Variants in SKAP1 observed in about 807,000 individuals in gnomAD.
SKAP1 encodes the protein src kinase associated phosphoprotein 1.
Under a neutral mutation model 58.5 loss-of-function variants are expected in SKAP1, and 44 were observed. That is an observed-to-expected ratio of 0.75 (90% CI 0.59 to 0.97). SKAP1 has a LOEUF of 0.97. Among genes scored for constraint, SKAP1 ranks in the 50% least tolerant of loss-of-function variants. The pLI, the probability that SKAP1 is intolerant of heterozygous loss-of-function variation, is 0.00. For missense variants in SKAP1, 390 were observed against 435.2 expected (o/e 0.90, Z 0.92); for synonymous variants, 127 against 149.7 (o/e 0.85, Z 1.11).
At chr17:48,175,282 A>G in intron 9 of SKAP1, among the ~76,000 whole-genome samples, 1 of 152,252 alleles carries the variant, frequency 6.6e-6, no homozygotes, top group East Asian at 1.9e-4. Flanking sequence ...AAAAGCTTCA[A>G]AAAATGCCAA....
chr17:48,324,409 G>A (rs1028845820), intron 4 of SKAP1, among the ~76,000 whole-genome samples: 1 of 151,928 alleles, frequency 6.6e-6, no homozygotes, highest in African/African-American at 2.4e-5. Context: ...TTATTTCCAA[G>A]CTTTCTGAAA....
chr17:48,383,490 G>A (rs1034364261), intron 2 of SKAP1, among the ~76,000 whole-genome samples: 7 of 151,914 alleles, frequency 4.6e-5, no homozygotes, highest in Non-Finnish European at 5.9e-5. Flanking sequence ...AAAACTCAAA[G>A]TACTGCTATA....
intron 10 of SKAP1, among the ~76,000 whole-genome samples, chr17:48,168,001 A>G (rs1337310164): frequency 1.3e-5 from 2 of 152,210 alleles, no homozygotes; most frequent in Non-Finnish European, 2.9e-5. Flanking sequence ...CCCTGTTACT[A>G]ACAGTCATGC....
At chr17:48,399,045 A>C (rs1461060432) in intron 1 of SKAP1, among the ~76,000 whole-genome samples, 1 of 151,846 alleles carries the variant, frequency 6.6e-6, no homozygotes, top group Admixed American at 6.6e-5. Context: ...AACAAACAAA[A>C]AAAACCACCA....
At chr17:48,416,413 G>A (rs2067731899) in intron 1 of SKAP1, among the ~76,000 whole-genome samples, 1 of 152,144 alleles carries the variant, frequency 6.6e-6, no homozygotes, top group African/African-American at 2.4e-5. Flanking sequence ...GCAAAGGAGG[G>A]ACTCCCAGGG....
At chr17:48,354,954 C>T (rs555558606) in intron 3 of SKAP1, among the ~76,000 whole-genome samples, 2 of 152,318 alleles carry the variant, frequency 1.3e-5, no homozygotes, top group Non-Finnish European at 2.9e-5. Context: ...AGGCACAAGT[C>T]TTGATGAACA....
chr17:48,396,666 C>A lies in SKAP1; in HGVS notation c.152+14G>T. 6.6e-7 allele frequency: 1 copy of A among 1,520,990 alleles called. No individual in the cohort carries two copies. Among genetic ancestry groups the A allele is most frequent in the South Asian group, 1.1e-5 (1 of 87,298 alleles). 94.2% of individuals were successfully genotyped at this position (1,520,990 alleles called of 1,614,324 possible). On this transcript the variant is annotated intron_variant, in intron 2 of 12. Transcript: ENST00000336915. ...AGCTTATGAAGAAGATTAATGGAAC[C>A]AGTTTATACAAACCTGGCTTTGATT...
intron 4 of SKAP1, among the ~76,000 whole-genome samples, chr17:48,294,845 C>T (rs1013637810): frequency 2.6e-5 from 4 of 152,122 alleles, no homozygotes; most frequent in Admixed American, 6.6e-5. Flanking sequence ...ATAGTAGCAA[C>T]AGTTACTTTG....
In SKAP1 at chr17:48,198,002, T is replaced by C. The variant is rs148113241; in HGVS notation, c.281-8502A>G. ...GGTAACTTCAATGCACTAATGATAG[T>C]ATCTAAATAAATGGTAATAATCAAT... is the stretch of plus-strand genomic sequence containing the variant. On this transcript the variant is annotated intron_variant, in intron 4 of 12. Coordinates refer to ENST00000336915, the MANE Select transcript of SKAP1 (RefSeq NM_003726.4). 3.0e-4 allele frequency among the ~76,000 whole-genome samples: 45 copies of C among 152,322 alleles called. No homozygotes were observed. The East Asian group carries it at 7.5e-3, about 25-fold the overall frequency.
chr17:48,400,089 C>A (rs1027698391), intron 1 of SKAP1, among the ~76,000 whole-genome samples: 2 of 148,906 alleles, frequency 1.3e-5, no homozygotes, highest in African/African-American at 5.0e-5. Flanking sequence ...AACTGTATTT[C>A]TTTTTTCTTT....
At chr17:48,264,888 C>T (rs1389664701) in intron 4 of SKAP1, among the ~76,000 whole-genome samples, 6 of 151,926 alleles carry the variant, frequency 3.9e-5, no homozygotes, top group African/African-American at 1.2e-4. Flanking sequence ...CTGCAGTCAA[C>T]GAGGAAACAT....
chr17:48,192,527 C>A (rs1378530909), intron 4 of SKAP1, among the ~76,000 whole-genome samples: 2 of 152,202 alleles, frequency 1.3e-5, no homozygotes, highest in East Asian at 3.9e-4. Flanking sequence ...AATGTGCCCA[C>A]ACCAGCTCAC....
intron 1 of SKAP1, among the ~76,000 whole-genome samples, chr17:48,424,221 CTTTTT>C (rs71366876): frequency 9.4e-6 from 1 of 106,676 alleles, no homozygotes; most frequent in Non-Finnish European, 1.8e-5. Flanking sequence ...TCTGGGACCT[CTTTTT>C]TTTTTTTTTT....
chr17:48,225,802 G>A (rs2065061738), intron 4 of SKAP1, among the ~76,000 whole-genome samples: 1 of 152,172 alleles, frequency 6.6e-6, no homozygotes, highest in African/African-American at 2.4e-5. Context: ...ATCTGAAAGT[G>A]CAGTAATAAG....
intron 4 of SKAP1, among the ~76,000 whole-genome samples, chr17:48,301,012 C>A (rs1396056219): frequency 1.3e-5 from 2 of 152,150 alleles, no homozygotes; most frequent in Admixed American, 6.5e-5. Flanking sequence ...GGACCTGATT[C>A]TACCCATTAT....
intron 4 of SKAP1, among the ~76,000 whole-genome samples, chr17:48,232,713 G>A (rs2065138768): frequency 6.6e-6 from 1 of 152,130 alleles, no homozygotes; most frequent in Admixed American, 6.5e-5. Context: ...GACATCGATT[G>A]CTGTCATGTC....
At chr17:48,191,953 G>C (rs890847429) in intron 4 of SKAP1, among the ~76,000 whole-genome samples, 1 of 152,184 alleles carries the variant, frequency 6.6e-6, no homozygotes, top group African/African-American at 2.4e-5. Context: ...ATTCTACTGA[G>C]GGTGAGGCAT....
intron 4 of SKAP1, among the ~76,000 whole-genome samples, chr17:48,340,240 C>T (rs1344823273): frequency 1.3e-5 from 2 of 151,684 alleles, no homozygotes; most frequent in Admixed American, 6.6e-5. Flanking sequence ...GATTTAGAGG[C>T]GAAACTAACT....
intron 4 of SKAP1, among the ~76,000 whole-genome samples, chr17:48,306,273 AT>A (rs939153838): frequency 2.0e-5 from 3 of 151,922 alleles, no homozygotes; most frequent in Non-Finnish European, 2.9e-5. Flanking sequence ...TTCTCTGGTC[AT>A]TTTTTTTCTT....
Sources: gnomAD v4.1 joint callset for allele counts (sites outside exome capture counted in the v4.1 genomes callset) on GRCh38, gnomAD v4.1.1 for gene constraint, MANE v1.5 for transcripts, NCBI Gene and HGNC (gene_info 2026-07-23, HGNC 2026-07-21) for gene names.